PUDP: variants seen among roughly 807,000 people sequenced by gnomAD.
PUDP encodes the protein pseudouridine 5'-phosphatase.
Under a neutral mutation model 9.4 loss-of-function variants are expected in PUDP, and 8 were observed. The ratio of observed to expected loss-of-function variants is 0.85; its 90% CI spans 0.50 to 1.53. PUDP has a LOEUF of 1.53. Among genes scored for constraint, PUDP ranks in the 40% most tolerant of loss-of-function variants. PUDP has a pLI of 0.00. For missense variants in PUDP, 188 were observed against 189.7 expected (o/e 0.99, Z 0.05); for synonymous variants, 99 against 80.7 (o/e 1.23, Z -1.22).
intron 3 of PUDP, among the ~76,000 whole-genome samples, chrX:6,792,323 C>G (rs1038761240): frequency 9.1e-6 from 1 of 109,657 alleles, no homozygotes; most frequent in Admixed American, 9.9e-5. Context: ...CCTCACCATC[C>G]ATGCTAATTT....
chrX:6,872,126 T>G (rs1927183771), intron 3 of PUDP, among the ~76,000 whole-genome samples: 1 of 110,743 alleles, frequency 9.0e-6, no homozygotes, highest in Non-Finnish European at 1.9e-5. Context: ...AAGGCCCATC[T>G]CTTAACATCA....
chrX:7,077,973 C>T (rs749201653), intron 2 of PUDP, among the ~76,000 whole-genome samples: 17 of 112,798 alleles, frequency 1.5e-4, no homozygotes, highest in Middle Eastern at 4.6e-3. Flanking sequence ...TACACAAAGG[C>T]GTCCACCAGA....
At chrX:6,890,150 C>T (rs1035910967) in intron 3 of PUDP, among the ~76,000 whole-genome samples, 2 of 111,709 alleles carry the variant, frequency 1.8e-5, no homozygotes, top group African/African-American at 3.3e-5. Context: ...CATATTCTGC[C>T]GGGCATTGAC....
intron 3 of PUDP, among the ~76,000 whole-genome samples, chrX:6,974,831 G>A (rs780956078): frequency 3.6e-5 from 4 of 111,231 alleles, no homozygotes; most frequent in African/African-American, 9.8e-5. Flanking sequence ...CATTTTCCCC[G>A]TCATTTTCAG....
intron 1 of PUDP, among the ~76,000 whole-genome samples, chrX:7,041,500 G>A (rs192388219): frequency 8.9e-6 from 1 of 112,124 alleles, no homozygotes; most frequent in East Asian, 2.8e-4. Flanking sequence ...TTTAAACTCT[G>A]TCCATCTCAT....
intron 1 of PUDP, among the ~76,000 whole-genome samples, chrX:6,714,422 G>A (rs188356720): frequency 7.3e-4 from 81 of 111,654 alleles, no homozygotes; most frequent in African/African-American, 2.5e-3. Flanking sequence ...ACACACAAAC[G>A]ACGGAGGATA....
At chrX:6,780,408 T>C (rs868337566) in intron 3 of PUDP, among the ~76,000 whole-genome samples, 2 of 111,158 alleles carry the variant, frequency 1.8e-5, no homozygotes, top group African/African-American at 3.3e-5. Flanking sequence ...TTTAAGTGTA[T>C]ACACATATAT....
At chrX:6,856,626 G>A (rs182656935) in intron 3 of PUDP, among the ~76,000 whole-genome samples, 90 of 111,859 alleles carry the variant, frequency 8.0e-4, no homozygotes, top group African/African-American at 2.8e-3. Context: ...CTACACTGTC[G>A]CAAAACACTT....
chrX:6,999,762 C>CTGT (rs1419932264), intron 1 of PUDP, among the ~76,000 whole-genome samples: 2 of 106,343 alleles, frequency 1.9e-5, no homozygotes, highest in Middle Eastern at 4.4e-3. Flanking sequence ...CAAACACCAC[C>CTGT]TGTTCTCCAA....
intron 3 of PUDP, among the ~76,000 whole-genome samples, chrX:6,771,646 A>G (rs1344826751): frequency 1.8e-5 from 2 of 112,494 alleles, no homozygotes; most frequent in African/African-American, 6.5e-5. Flanking sequence ...TTGACATCAC[A>G]GATGGATCTG....
chrX:6,719,046 C>T (rs1035929137), intron 1 of PUDP, among the ~76,000 whole-genome samples: 15 of 111,064 alleles, frequency 1.4e-4, no homozygotes, highest in African/African-American at 4.9e-4. Context: ...TGGATTGGAG[C>T]CTGTGAGACC....
intron 3 of PUDP, among the ~76,000 whole-genome samples, chrX:6,754,220 TAGTG>T (rs939797212): frequency 9.0e-6 from 1 of 111,309 alleles, no homozygotes; most frequent in Non-Finnish European, 1.9e-5. Context: ...ATTCTTATGA[TAGTG>T]AGTGAGTTCT....
chrX:6,933,732 G>GA (rs201669410), intron 3 of PUDP, among the ~76,000 whole-genome samples: 33,462 of 109,100 alleles, frequency 0.31, 4,585 homozygotes, highest in Non-Finnish European at 0.4. Flanking sequence ...TGAAAATTTT[G>GA]AAAAAAATTT....
chrX:6,974,210 G>T (rs1928920181), intron 3 of PUDP, among the ~76,000 whole-genome samples: 1 of 111,918 alleles, frequency 8.9e-6, no homozygotes. Context: ...TACATATAAG[G>T]TTAATATTGT....
At chrX:6,779,973 C>T (rs939393994) in intron 3 of PUDP, among the ~76,000 whole-genome samples, 1 of 110,448 alleles carries the variant, frequency 9.1e-6, no homozygotes, top group African/African-American at 3.3e-5. Context: ...AAAACTCTCC[C>T]TCTTGAAGTT....
intron 3 of PUDP, among the ~76,000 whole-genome samples, chrX:6,905,220 G>T (rs1927749746): frequency 9.0e-6 from 1 of 111,581 alleles, no homozygotes; most frequent in African/African-American, 3.3e-5. Context: ...TGGATATGAG[G>T]CAGTGCTCTG....
At chrX:6,809,853 C>T (rs752327150) in intron 3 of PUDP, among the ~76,000 whole-genome samples, 1 of 110,817 alleles carries the variant, frequency 9.0e-6, no homozygotes. Flanking sequence ...GATGCATAAG[C>T]CTGGGTTTAA....
intron 3 of PUDP, among the ~76,000 whole-genome samples, chrX:6,959,180 T>C (rs1397752639): frequency 2.7e-5 from 3 of 111,685 alleles, no homozygotes; most frequent in Admixed American, 9.5e-5. Context: ...AGCAGAACAA[T>C]GGGAGAATGA....
intron 2 of PUDP, among the ~76,000 whole-genome samples, chrX:7,093,082 G>C (rs1163178859): frequency 8.9e-6 from 1 of 112,085 alleles, no homozygotes; most frequent in Non-Finnish European, 1.9e-5. Flanking sequence ...TTGTTGTACA[G>C]CCATCACCAC....
Sources: gnomAD v4.1 joint callset for allele counts (sites outside exome capture counted in the v4.1 genomes callset) on GRCh38, gnomAD v4.1.1 for gene constraint, MANE v1.5 for transcripts, NCBI Gene and HGNC (gene_info 2026-07-23, HGNC 2026-07-21) for gene names.